The following GRID1 variants were observed in gnomAD, a reference collection of about 807,000 sequenced individuals.
GRID1 encodes the protein glutamate ionotropic receptor delta type subunit 1, also known as glutamate receptor ionotropic, delta-1.
GRID1 carries 28 observed loss-of-function variants against 98.0 expected under a neutral mutation model. That is an observed-to-expected ratio of 0.29 (90% CI 0.21 to 0.39). The LOEUF is 0.39. Ranked by LOEUF, GRID1 falls within the 10% of genes least tolerant of loss-of-function variation. GRID1 has a pLI of 1.00. For missense variants in GRID1, 1,111 were observed against 1,340.5 expected, an observed-to-expected ratio of 0.83 and a Z score of 2.67; for synonymous variants, 553 against 538.5, an observed-to-expected ratio of 1.03 and a Z score of -0.37.
At chr10:85,835,832 T>C (rs1041600984) in intron 8 of GRID1, among the ~76,000 whole-genome samples, 10 of 152,186 alleles carry the variant, frequency 6.6e-5, no homozygotes, top group Non-Finnish European at 1.5e-4. Context: ...ATACAGAGTA[T>C]GTTATCTGAT....
At chr10:85,783,478 A>G (rs114230474) in intron 8 of GRID1, among the ~76,000 whole-genome samples, 388 of 152,338 alleles carry the variant, frequency 2.5e-3, no homozygotes, top group African/African-American at 8.6e-3. Flanking sequence ...ACAGAAAGAT[A>G]GACAGTGAGC....
At chr10:86,121,981 C>A (rs991432653) in intron 4 of GRID1, among the ~76,000 whole-genome samples, 1 of 152,142 alleles carries the variant, frequency 6.6e-6, no homozygotes, top group African/African-American at 2.4e-5. Context: ...TACCCCCGGG[C>A]CCCAAATACA....
chr10:85,859,198 G>T (rs978972121), intron 6 of GRID1, among the ~76,000 whole-genome samples: 2 of 152,210 alleles, frequency 1.3e-5, no homozygotes, highest in African/African-American at 4.8e-5. Context: ...ACTATCTCTA[G>T]AACTCAGCAC....
At chr10:86,071,381 T>C (rs1843801751) in intron 4 of GRID1, among the ~76,000 whole-genome samples, 1 of 152,220 alleles carries the variant, frequency 6.6e-6, no homozygotes, top group South Asian at 2.1e-4. Context: ...GCCTTTCATG[T>C]TATAGAAGCT....
At chr10:85,703,028 G>A (rs573571919) in intron 12 of GRID1, among the ~76,000 whole-genome samples, 1 of 151,938 alleles carries the variant, frequency 6.6e-6, no homozygotes, top group Non-Finnish European at 1.5e-5. Context: ...AGAGAAAGTT[G>A]TGAGGGGGTA....
At chr10:85,672,506 C>T (rs1331909831) in intron 12 of GRID1, among the ~76,000 whole-genome samples, 1 of 152,104 alleles carries the variant, frequency 6.6e-6, no homozygotes, top group African/African-American at 2.4e-5. Flanking sequence ...TTGGGTTTCA[C>T]CATGTTGGTC....
chr10:86,149,091 A>T (rs1442649808), intron 3 of GRID1, among the ~76,000 whole-genome samples: 3 of 152,188 alleles, frequency 2.0e-5, no homozygotes, highest in Non-Finnish European at 4.4e-5. Context: ...TGAGCAAATC[A>T]TCTCTCTTGT....
At chr10:86,364,517 G>C (rs1010239838) in intron 1 of GRID1, among the ~76,000 whole-genome samples, 2 of 149,268 alleles carry the variant, frequency 1.3e-5, no homozygotes, top group African/African-American at 5.0e-5. Flanking sequence ...GGAGGGTGGT[G>C]TCCCCCACCC....
intron 2 of GRID1, among the ~76,000 whole-genome samples, chr10:86,227,154 A>G (rs1393666784): frequency 6.6e-6 from 1 of 152,238 alleles, no homozygotes; most frequent in Non-Finnish European, 1.5e-5. Context: ...CCAGTGGGGA[A>G]GAGGCTTGAG....
At chr10:85,866,678 G>C (rs549666388) in intron 6 of GRID1, among the ~76,000 whole-genome samples, 2 of 152,136 alleles carry the variant, frequency 1.3e-5, no homozygotes, top group East Asian at 3.9e-4. Flanking sequence ...TATGTTCTCC[G>C]ATTTAATTTT....
intron 5 of GRID1, among the ~76,000 whole-genome samples, chr10:85,876,286 T>A (rs551713040): frequency 6.6e-6 from 1 of 152,154 alleles, no homozygotes; most frequent in South Asian, 2.1e-4. Flanking sequence ...GGGGGAGACA[T>A]GTTTCTCACT....
intron 15 of GRID1, among the ~76,000 whole-genome samples, chr10:85,611,188 G>A (rs1165129807): frequency 6.6e-6 from 1 of 151,826 alleles, no homozygotes; most frequent in Non-Finnish European, 1.5e-5. Context: ...ACAATCACCA[G>A]TCTCTCTCTC....
At position 85,619,962 on chromosome 10, in the gene GRID1, G is replaced by A. The variant is rs1842840194; in HGVS notation, c.2265C>T (p.Asp755=). ...TGTTGCCGATGACAGTCACCGAGCA[G>A]TCGTCATCCGTCAGGGCTGCGTATT... ...VVEYAALTDD[D]CSVTVIGNSI... The change falls in exon 14 of 16, where the codon GAC becomes GAT. Residue 755 remains aspartate, a synonymous_variant. Coordinates refer to ENST00000327946, the MANE Select transcript of GRID1 (RefSeq NM_017551.3). The A allele has an allele frequency of 1.2e-6, 2 of 1,613,896 alleles. No homozygotes were observed. The highest frequency in any genetic ancestry group is 1.1e-5 in the South Asian group (1 of 91,086).
intron 4 of GRID1, among the ~76,000 whole-genome samples, chr10:85,981,433 C>T (rs892298802): frequency 6.6e-6 from 1 of 152,130 alleles, no homozygotes; most frequent in African/African-American, 2.4e-5. Flanking sequence ...GGGATGCTAA[C>T]TTCACAAGGG....
intron 4 of GRID1, among the ~76,000 whole-genome samples, chr10:85,959,193 T>C (rs1195044493): frequency 6.6e-6 from 1 of 152,168 alleles, no homozygotes; most frequent in African/African-American, 2.4e-5. Flanking sequence ...CAATTCCTTA[T>C]AATGAATCTC....
chr10:85,841,246 CTCT>C (rs1842958781), intron 8 of GRID1, among the ~76,000 whole-genome samples: 1 of 152,114 alleles, frequency 6.6e-6, no homozygotes, highest in Non-Finnish European at 1.5e-5. Flanking sequence ...GGAAAATTCC[CTCT>C]TCAATAAATG....
At chr10:85,950,696 G>A (rs1225946892) in intron 4 of GRID1, among the ~76,000 whole-genome samples, 12 of 152,094 alleles carry the variant, frequency 7.9e-5, no homozygotes, top group South Asian at 2.1e-4. Context: ...ATTATGCCCC[G>A]TACAAACTTC....
Position 86,179,206 on chromosome 10 carries a change from C to T in GRID1, c.520+27158G>A, listed in dbSNP as rs545742380. On this transcript the variant is annotated intron_variant, in intron 3 of 15. Coordinates refer to ENST00000327946, the MANE Select transcript of GRID1 (RefSeq NM_017551.3). ...CACATTCCCAAAGCAAGCCCAGCTA[C>T]CTTCCTCTTCCTGCCACCAGCTCAC... Among the ~76,000 whole-genome samples the T allele has an allele frequency of 4.2e-3, 295 of 70,832 alleles. 2 individuals carry two copies. Among genetic ancestry groups the T allele is most frequent in the African/African-American group, 0.019 (275 of 14,240 alleles). 46.5% of individuals were successfully genotyped at this position (70,832 alleles called of 152,430 possible).
rs139715776 is a variant in GRID1 at position 85,940,530 on chromosome 10, G to A, written c.727-24291C>T. On this transcript the variant is annotated intron_variant, in intron 4 of 15. Coordinates refer to ENST00000327946, the MANE Select transcript of GRID1 (RefSeq NM_017551.3). ...TGAAAAAGAAATTGGAGAAACATCC[G>A]TTTCTATCGATGTCTGGGTGACTTA... Among the ~76,000 whole-genome samples the A allele has an allele frequency of 3.0e-3, 450 of 152,264 alleles. 1 individual carries two copies. The highest frequency in any genetic ancestry group is 9.9e-3 in the African/African-American group (411 of 41,568).
Sources: gnomAD v4.1 joint callset for allele counts (sites outside exome capture counted in the v4.1 genomes callset) on GRCh38, gnomAD v4.1.1 for gene constraint, MANE v1.5 for transcripts, NCBI Gene and HGNC (gene_info 2026-07-23, HGNC 2026-07-21) for gene names.